Variants in VWA2 observed in about 807,000 individuals in gnomAD.
VWA2 encodes von Willebrand factor A domain-containing protein 2.
Under a neutral mutation model 70.4 loss-of-function variants are expected in VWA2, and 73 were observed. The observed-to-expected ratio is 1.04, with a 90% CI of 0.86 to 1.26. The LOEUF (loss-of-function observed/expected upper bound fraction) is 1.26, where lower values mean the gene tolerates loss of function less well. Ranked by LOEUF, VWA2 falls within the 50% of genes most tolerant of loss-of-function variation. The probability of loss-of-function intolerance (pLI) is 0.00; values close to 1 mark genes in which losing one functional copy is unlikely to be tolerated. For missense variants in VWA2, 1,011 were observed against 998.5 expected, an observed-to-expected ratio of 1.01 and a Z score of -0.17; for synonymous variants, 407 against 423.3, an observed-to-expected ratio of 0.96 and a Z score of 0.47.
chr10:114,277,562 A>G (rs1384491607), intron 6 of VWA2, among the ~76,000 whole-genome samples: 2 of 152,138 alleles, frequency 1.3e-5, no homozygotes, highest in Non-Finnish European at 2.9e-5. Flanking sequence ...CCATCTGTAC[A>G]TCATTTTCCT....
At chr10:114,278,438 T>C (rs1333069253) in intron 7 of VWA2, among the ~76,000 whole-genome samples, 2 of 152,198 alleles carry the variant, frequency 1.3e-5, no homozygotes, top group African/African-American at 4.8e-5. Context: ...AGGAGCCACA[T>C]TGATGACGTT....
In VWA2 at chr10:114,286,233, A is replaced by G. The variant is rs1260606136; in HGVS notation, c.1292A>G (p.Glu431Gly). 1 of 1,613,226 alleles carries G rather than the reference A, an allele frequency of 6.2e-7. No homozygotes were observed. The highest frequency in any genetic ancestry group is 2.2e-5 in the East Asian group (1 of 44,870). Reference protein sequence around the residue: ...LTGSALRQAAERGFGSATRTG... With the variant: ...LTGSALRQAAGRGFGSATRTG... ...GGCAGTGCCTTGCGGCAGGCGGCAG[A>G]GCGTGGCTTCGGGAGCGCCACCAGG... The change falls in exon 11 of 14, where the codon GAG (glutamate) becomes GGG (glycine). Residue 431 changes from glutamate (E) to glycine (G), a missense_variant. Glu to Gly is a moderately conservative substitution (Grantham distance 98). Transcript: ENST00000392982.
Position 114,289,296 on chromosome 10 carries a change from A to AG in VWA2, c.1931dup (p.Ala645ArgfsTer29). On this transcript the variant is annotated frameshift_variant, in exon 12 of 14. Coordinates refer to ENST00000392982, the MANE Select transcript of VWA2 (RefSeq NM_001272046.2). LOFTEE classifies it high-confidence loss of function. The stretch of plus-strand genomic sequence containing the variant: ...CTGTGGTGGTGCTCACAGGCGGGAG[A>AG]GGCGCAGAGGATGCAGCCGTTCCTG... The AG allele has an allele frequency of 6.2e-7, 1 of 1,613,828 alleles. No individual in the cohort carries two copies. Among genetic ancestry groups the AG allele is most frequent in the Middle Eastern group, 1.7e-4 (1 of 6,060 alleles).
rs748690219 is a variant in VWA2 at position 114,272,802 on chromosome 10, G to A, written c.434G>A (p.Gly145Asp). Reference sequence around the variant, plus strand: ...CTTCTGCACAGAGGGTTGCCTGGAGGCAGAAATGCTTCTGTGCCCCAGATC... The same window carrying A: ...CTTCTGCACAGAGGGTTGCCTGGAGACAGAAATGCTTCTGTGCCCCAGATC... ...KYLLHRGLPG[G>D]RNASVPQILI... The change falls in exon 6 of 14, where the codon GGC (glycine) becomes GAC (aspartate). Residue 145 changes from glycine (G) to aspartate (D), a missense_variant. Gly to Asp is a moderately conservative substitution (Grantham distance 94). Transcript: ENST00000392982. The A allele has an allele frequency of 2.6e-5, 42 of 1,613,750 alleles. No homozygotes were observed. Among genetic ancestry groups the A allele is most frequent in the Admixed American group, 3.3e-5 (2 of 59,988 alleles).
intron 2 of VWA2, 48 bp downstream of exon 2, chr10:114,248,813 G>A (rs746724706): frequency 6.4e-7 from 1 of 1,559,226 alleles, no homozygotes; most frequent in African/African-American, 1.4e-5. Flanking sequence ...TGTTGAGTAG[G>A]GGGGTTGCTT....
intron 8 of VWA2, chr10:114,281,749 G>A (rs1162354247): frequency 1.0e-6 from 1 of 985,380 alleles, no homozygotes; most frequent in Non-Finnish European, 1.2e-6. Context: ...TGCTCCTTCA[G>A]TGCTCTTCTC....
chr10:114,282,731 C>T (rs2038324879), intron 9 of VWA2, among the ~76,000 whole-genome samples, 160 bp downstream of exon 9: 2 of 152,188 alleles, frequency 1.3e-5, no homozygotes, highest in African/African-American at 4.8e-5. Flanking sequence ...GTGCTCTTGA[C>T]TCCCTCAATG....
At chr10:114,272,374 C>T (rs1395300405) in intron 5 of VWA2, among the ~76,000 whole-genome samples, 2 of 152,100 alleles carry the variant, frequency 1.3e-5, no homozygotes, top group African/African-American at 4.8e-5. Flanking sequence ...TTTCCCAACC[C>T]AGGATGTTGA....
chr10:114,275,419 C>T (rs2037813987), intron 6 of VWA2, among the ~76,000 whole-genome samples: 1 of 152,198 alleles, frequency 6.6e-6, no homozygotes, highest in Admixed American at 6.5e-5. Context: ...CCGCCGTTTC[C>T]CACATTGTGC....
intron 4 of VWA2, among the ~76,000 whole-genome samples, chr10:114,259,855 C>T (rs944443134): frequency 1.3e-5 from 2 of 152,186 alleles, no homozygotes; most frequent in Non-Finnish European, 2.9e-5. Context: ...CCACTGAAGA[C>T]TGAGATTTCT....
At chr10:114,273,276 G>A (rs866408775) in intron 6 of VWA2, among the ~76,000 whole-genome samples, 1 of 152,118 alleles carries the variant, frequency 6.6e-6, no homozygotes. Flanking sequence ...CAGTGTCATC[G>A]AGATTCTTCC....
chr10:114,278,690 G>C (rs559472420), intron 7 of VWA2, 29 bp from the exon 8 acceptor site: 2 of 1,611,364 alleles, frequency 1.2e-6, no homozygotes, highest in Middle Eastern at 1.7e-4. Context: ...TGTCTCCTCC[G>C]TGGGTGTGGG....
chr10:114,260,922 G>A (rs1028388741), intron 4 of VWA2, among the ~76,000 whole-genome samples: 2 of 152,200 alleles, frequency 1.3e-5, no homozygotes, highest in Non-Finnish European at 2.9e-5. Context: ...CTGCCAGAAT[G>A]TTCAGCTGCC....
At chr10:114,243,645 CTT>C (rs1026611771) in intron 1 of VWA2, among the ~76,000 whole-genome samples, 4 of 152,296 alleles carry the variant, frequency 2.6e-5, no homozygotes, top group African/African-American at 9.6e-5. Flanking sequence ...ATGGTTTCCT[CTT>C]TTTCCCTACA....
rs760935496 is a variant in VWA2, at chr10:114,253,753, A to G, written c.127+28A>G. 1.2e-5 allele frequency: 20 copies of G among 1,602,056 alleles called. No individual in the cohort carries two copies. The South Asian group carries it at 2.1e-4, about 17-fold the overall frequency. On this transcript the variant is annotated intron_variant, in intron 3 of 13. Coordinates refer to ENST00000392982, the MANE Select transcript of VWA2 (RefSeq NM_001272046.2). The stretch of plus-strand genomic sequence containing the variant: ...AAGCCCAGGTTCTTCTTAACCCTCC[A>G]GATGCCCACTCAGACCTCTGTGTGA...
intron 2 of VWA2, among the ~76,000 whole-genome samples, chr10:114,251,448 A>C (rs2037194435): frequency 6.6e-6 from 1 of 152,236 alleles, no homozygotes; most frequent in Non-Finnish European, 1.5e-5. Flanking sequence ...GTGCTCACAG[A>C]GCTCCCTTGC....
chr10:114,269,859 T>C (rs755046703), intron 5 of VWA2, among the ~76,000 whole-genome samples: 6 of 152,140 alleles, frequency 3.9e-5, no homozygotes, highest in Non-Finnish European at 8.8e-5. Context: ...CAGGAGGCCA[T>C]AGGGCTCACT....
intron 1 of VWA2, among the ~76,000 whole-genome samples, chr10:114,247,549 T>G (rs2037098559): frequency 6.6e-6 from 1 of 152,116 alleles, no homozygotes; most frequent in Non-Finnish European, 1.5e-5. Flanking sequence ...TCCACCTGCC[T>G]CGGCCTCCCA....
At position 114,239,350 on chromosome 10, in the gene VWA2, ACG is replaced by A. The variant is rs1488358567; in HGVS notation, c.-227_-226del. 5 of 152,206 alleles carry A rather than the reference ACG, an allele frequency of 3.3e-5. No homozygotes were observed. Among genetic ancestry groups the A allele is most frequent in the Admixed American group, 2.0e-4 (3 of 15,290 alleles). 9.4% of individuals were successfully genotyped at this position (152,206 alleles called of 1,614,324 possible). ...ACCTGGGCCGATGCCGCTTTAAAAA[ACG>A]CGAGGGGCTCTATGCACCTCCCTGG... On this transcript the variant is annotated 5_prime_UTR_variant, in exon 1 of 14. Transcript: ENST00000392982.
Sources: allele counts gnomAD v4.1 joint callset (sites outside exome capture counted in the v4.1 genomes callset), GRCh38; gene constraint gnomAD v4.1.1; transcripts MANE v1.5; gene names NCBI Gene and HGNC (gene_info 2026-07-23, HGNC 2026-07-21).